SMAD2: variants seen among roughly 807,000 people sequenced by gnomAD.
The protein encoded by SMAD2 is SMAD family member 2.
A neutral mutation model predicts 64.4 loss-of-function variants in SMAD2; 8 were observed. The observed-to-expected ratio is 0.12, with a 90% CI of 0.07 to 0.22. The LOEUF is 0.22. SMAD2 is among the 10% of genes least tolerant of loss of function. The pLI is 1.00. For missense variants in SMAD2, 289 were observed against 561.2 expected (o/e 0.51, Z 4.90); for synonymous variants, 203 against 195.8 (o/e 1.04, Z -0.31).
chr18:47,884,652 C>T (rs1486109069), intron 2 of SMAD2, among the ~76,000 whole-genome samples: 1 of 152,088 alleles, frequency 6.6e-6, no homozygotes, highest in Non-Finnish European at 1.5e-5. Context: ...GAGAAAGCCC[C>T]TTCCAAATTA....
rs1912567775 is a variant in SMAD2 at position 47,821,365 on chromosome 18, T to TTA, written c.*20460_*20461dup. The TTA allele has an allele frequency of 1.3e-5, 2 of 152,224 alleles. No homozygotes were observed. The highest frequency in any genetic ancestry group is 1.3e-4 in the Admixed American group (2 of 15,284). The allele number at this position is 152,224 out of a possible 1,614,324, so 9.4% of individuals were successfully genotyped here. On this transcript the variant is annotated 3_prime_UTR_variant, in exon 11 of 11. Transcript: ENST00000262160. ...TTTCCTCTGGTTCTAACTCTTGCTG[T>TTA]TATAACTTGATACTGAAATGTTCTG...
Position 47,822,809 on chromosome 18 carries a change from T to A in SMAD2, c.*19018A>T, listed in dbSNP as rs1163816718. ...ATTCTGTCTCAGCCTCCCAAGTAGCTGGGACTACAGGCATGCACCACCACA... is the reference window on the plus strand; with the variant it reads ...ATTCTGTCTCAGCCTCCCAAGTAGCAGGGACTACAGGCATGCACCACCACA... On this transcript the variant is annotated 3_prime_UTR_variant, in exon 11 of 11. Coordinates refer to ENST00000262160, the MANE Select transcript of SMAD2 (RefSeq NM_005901.6). 1 of 152,240 alleles carries A rather than the reference T, an allele frequency of 6.6e-6. No individual in the cohort carries two copies. The highest frequency in any genetic ancestry group is 2.4e-5 in the African/African-American group (1 of 41,470). 9.4% of individuals were successfully genotyped at this position (152,240 alleles called of 1,614,324 possible).
At chr18:47,899,670 C>T (rs1320677429) in intron 1 of SMAD2, among the ~76,000 whole-genome samples, 1 of 152,146 alleles carries the variant, frequency 6.6e-6, no homozygotes, top group African/African-American at 2.4e-5. Context: ...GCTCTTTATA[C>T]AATCAACAGA....
rs1189301590 is a variant in SMAD2 at position 47,902,241 on chromosome 18, C to T, written c.-53-5432G>A. Among the ~76,000 whole-genome samples, 4 of 152,098 alleles carry T rather than the reference C, an allele frequency of 2.6e-5. No homozygotes were observed. The South Asian group carries it at 8.3e-4, about 31-fold the overall frequency. ...CTCAGCTCACTTGTGAAAGGTATTC[C>T]CCCAGGGTGCAAAATTTTGCTTTCT... is the stretch of plus-strand genomic sequence containing the variant. On this transcript the variant is annotated intron_variant, in intron 1 of 10. Coordinates refer to ENST00000262160, the MANE Select transcript of SMAD2 (RefSeq NM_005901.6).
Position 47,814,571 on chromosome 18 carries a change from G to A in SMAD2, c.*27256C>T, listed in dbSNP as rs1240775864. On this transcript the variant is annotated 3_prime_UTR_variant, in exon 11 of 11. Transcript: ENST00000262160. ...GATTGAGATTGCAATTGCCCTGTTGGGAAATAAACGGAAACTTCAGGATGG... is the reference window on the plus strand; with the variant it reads ...GATTGAGATTGCAATTGCCCTGTTGAGAAATAAACGGAAACTTCAGGATGG... The A allele has an allele frequency of 6.6e-6, 1 of 152,190 alleles. No individual in the cohort carries two copies. Among genetic ancestry groups the A allele is most frequent in the Non-Finnish European group, 1.5e-5 (1 of 68,052 alleles). 9.4% of individuals were successfully genotyped at this position (152,190 alleles called of 1,614,324 possible). A position where few individuals can be genotyped will look rare whatever the true frequency, so the allele number is the denominator to read the frequency against.
intron 3 of SMAD2, 121 bp downstream of exon 3, chr18:47,870,354 C>T (rs2031859311): frequency 1.4e-6 from 1 of 729,880 alleles, no homozygotes; most frequent in Non-Finnish European, 2.5e-6. Flanking sequence ...AATGCTATGC[C>T]TTATTTTACA....
At chr18:47,903,452 G>T (rs1483022918) in intron 1 of SMAD2, among the ~76,000 whole-genome samples, 1 of 152,054 alleles carries the variant, frequency 6.6e-6, no homozygotes. Context: ...GAAAGCTGAC[G>T]GCTCAGCTAT....
At chr18:47,850,622 T>TTA (rs1175825854) in intron 7 of SMAD2, among the ~76,000 whole-genome samples, 2 of 27,056 alleles carry the variant, frequency 7.4e-5, no homozygotes, top group Non-Finnish European at 1.1e-4. Context: ...ATATTATATA[T>TTA]TATATATATA....
chr18:47,833,880 T>C lies in SMAD2; in HGVS notation c.*7947A>G. On this transcript the variant is annotated 3_prime_UTR_variant, in exon 11 of 11. Coordinates refer to ENST00000262160, the MANE Select transcript of SMAD2 (RefSeq NM_005901.6). ...ATTGGTTTCCTTTTACTATGAAAAA[T>C]GTAAATTTCAGATTAAGTTTAACCC... is the stretch of plus-strand genomic sequence containing the variant. The C allele has an allele frequency of 4.4e-6, 1 of 228,484 alleles. No homozygotes were observed. Among genetic ancestry groups the C allele is most frequent in the East Asian group, 6.2e-5 (1 of 16,138 alleles). The allele number at this position is 228,484 out of a possible 1,614,324, so 14.2% of individuals were successfully genotyped here. A position where few individuals can be genotyped will look rare whatever the true frequency, so the allele number is the denominator to read the frequency against.
intron 7 of SMAD2, among the ~76,000 whole-genome samples, chr18:47,851,053 T>C (rs1384959046): frequency 1.3e-5 from 2 of 150,286 alleles, no homozygotes; most frequent in Admixed American, 6.7e-5. Context: ...AAATAGATTA[T>C]ACCTATTTCT....
chr18:47,870,613 GTTAT>G (rs1220639616), intron 2 of SMAD2, 49 bp from the exon 3 acceptor site: 1 of 1,157,730 alleles, frequency 8.6e-7, no homozygotes, highest in Admixed American at 1.7e-5. Flanking sequence ...TGGAAGCATG[GTTAT>G]TCAAAATACC....
chr18:47,851,005 G>T (rs1337327225), intron 7 of SMAD2, among the ~76,000 whole-genome samples: 2 of 146,628 alleles, frequency 1.4e-5, no homozygotes, highest in African/African-American at 5.0e-5. Context: ...GCCATAACAG[G>T]TTATATAATT....
At chr18:47,891,781 G>A (rs1364388363) in intron 2 of SMAD2, among the ~76,000 whole-genome samples, 1 of 152,000 alleles carries the variant, frequency 6.6e-6, no homozygotes, top group East Asian at 1.9e-4. Flanking sequence ...AGAAAAAACT[G>A]ACTTCAAAGA....
At chr18:47,883,153 CTA>C (rs1356452717) in intron 2 of SMAD2, among the ~76,000 whole-genome samples, 1 of 152,128 alleles carries the variant, frequency 6.6e-6, no homozygotes, top group African/African-American at 2.4e-5. Context: ...TTATTTAAAA[CTA>C]TAAAATTTTC....
In SMAD2 at chr18:47,823,543, A is replaced by G. The variant is rs1259135468; in HGVS notation, c.*18284T>C. The G allele has an allele frequency of 6.6e-6, 1 of 152,170 alleles. No individual in the cohort carries two copies. The highest frequency in any genetic ancestry group is 6.5e-5 in the Admixed American group (1 of 15,280). The allele number at this position is 152,170 out of a possible 1,614,324, so 9.4% of individuals were successfully genotyped here. On this transcript the variant is annotated 3_prime_UTR_variant, in exon 11 of 11. Transcript: ENST00000262160. The stretch of plus-strand genomic sequence containing the variant: ...CTACTCCCATGCTCTGAGGCCTATA[A>G]GCTAAGATGTGATTAATTTTTAAAG...
chr18:47,893,266 A>G (rs903338820), intron 2 of SMAD2, among the ~76,000 whole-genome samples: 2 of 152,228 alleles, frequency 1.3e-5, no homozygotes, highest in African/African-American at 4.8e-5. Flanking sequence ...TGCCAGAGGC[A>G]ACAAGAGTAA....
chr18:47,891,807 G>A (rs542399092), intron 2 of SMAD2, among the ~76,000 whole-genome samples: 9 of 151,746 alleles, frequency 5.9e-5, no homozygotes, highest in South Asian at 4.1e-4. Context: ...GACAAGAATA[G>A]TCTTGTCATA....
chr18:47,861,520 G>T (rs866629925), intron 6 of SMAD2, among the ~76,000 whole-genome samples: 1 of 152,016 alleles, frequency 6.6e-6, no homozygotes, highest in South Asian at 2.1e-4. Flanking sequence ...AAACAAAAAC[G>T]TATAACAGCA....
chr18:47,909,903 G>A (rs978708215), intron 1 of SMAD2, among the ~76,000 whole-genome samples: 13 of 152,062 alleles, frequency 8.5e-5, no homozygotes, highest in Admixed American at 3.9e-4. Context: ...CTCTAAATCA[G>A]GGAGTCATAA....
Sources: gnomAD v4.1 joint callset for allele counts (sites outside exome capture counted in the v4.1 genomes callset) on GRCh38, gnomAD v4.1.1 for gene constraint, MANE v1.5 for transcripts, NCBI Gene and HGNC (gene_info 2026-07-23, HGNC 2026-07-21) for gene names.